KAZN: variants seen among roughly 807,000 people sequenced by gnomAD.
KAZN encodes kazrin.
A neutral mutation model predicts 87.4 loss-of-function variants in KAZN; 40 were observed. The ratio of observed to expected loss-of-function variants is 0.46; its 90% confidence interval spans 0.36 to 0.60. KAZN has a LOEUF of 0.60. Ranked by LOEUF, KAZN falls within the 20% of genes least tolerant of loss-of-function variation. KAZN has a pLI of 0.00. For synonymous variants in KAZN, 466 were observed against 458.3 expected, an observed-to-expected ratio of 1.02 and a Z score of -0.22; for missense variants, 898 against 1,073.9, an observed-to-expected ratio of 0.84 and a Z score of 2.29.
At chr1:14,430,154 C>T (rs991737566) in intron 2 of KAZN, among the ~76,000 whole-genome samples, 7 of 149,974 alleles carry the variant, frequency 4.7e-5, no homozygotes, top group African/African-American at 1.5e-4. Flanking sequence ...GGAATCTTTT[C>T]GTGACTTTCC....
chr1:14,526,131 C>T (rs1010218037), intron 2 of KAZN, among the ~76,000 whole-genome samples: 1 of 152,216 alleles, frequency 6.6e-6, no homozygotes, highest in Non-Finnish European at 1.5e-5. Context: ...GGGATGCCCC[C>T]ACATTTTTCC....
chr1:14,523,207 G>T (rs1400354962), intron 2 of KAZN, among the ~76,000 whole-genome samples: 1 of 152,230 alleles, frequency 6.6e-6, no homozygotes, highest in Non-Finnish European at 1.5e-5. Flanking sequence ...AGAGAGCAGG[G>T]TGCTGCCTCC....
chr1:14,781,761 T>A (rs891396310), intron 1 of KAZN, among the ~76,000 whole-genome samples: 3 of 151,668 alleles, frequency 2.0e-5, no homozygotes, highest in Non-Finnish European at 4.4e-5. Context: ...AGCCTAGGAG[T>A]TCAAGACCAG....
In KAZN at chr1:14,978,037, C is replaced by G. The variant is rs140000704; in HGVS notation, c.418+17162C>G. ...CCTCCCGAGTAGCTGGGATTACAGG[C>G]ATGTGCCACCAAGCCCTGCTATGGG... On this transcript the variant is annotated intron_variant, in intron 2 of 14. Coordinates refer to ENST00000376030, the MANE Select transcript of KAZN (RefSeq NM_201628.3). Among the ~76,000 whole-genome samples the G allele has an allele frequency of 2.2e-3, 335 of 152,224 alleles. 3 individuals carry two copies. The highest frequency in any genetic ancestry group is 3.8e-3 in the Non-Finnish European group (261 of 68,016).
At chr1:14,684,269 G>A (rs1640835693) in intron 1 of KAZN, among the ~76,000 whole-genome samples, 1 of 152,130 alleles carries the variant, frequency 6.6e-6, no homozygotes, top group South Asian at 2.1e-4. Flanking sequence ...TGGGGCTGTG[G>A]GCAGAGGATA....
At chr1:14,356,783 A>G (rs543388778) in intron 2 of KAZN, among the ~76,000 whole-genome samples, 1 of 152,072 alleles carries the variant, frequency 6.6e-6, no homozygotes, top group East Asian at 1.9e-4. Flanking sequence ...CCATTGGTCT[A>G]TATATCTGTT....
chr1:14,281,041 C>G (rs936277414), intron 2 of KAZN, among the ~76,000 whole-genome samples: 3 of 152,228 alleles, frequency 2.0e-5, no homozygotes, highest in African/African-American at 7.2e-5. Flanking sequence ...TAGCTTGGAA[C>G]ACTGAATGTT....
chr1:14,803,453 GA>G (rs763079394), intron 1 of KAZN, among the ~76,000 whole-genome samples: 4 of 152,326 alleles, frequency 2.6e-5, no homozygotes, highest in African/African-American at 4.8e-5. Flanking sequence ...GTGAGATGCT[GA>G]AGCTGCCATC....
In KAZN at chr1:14,949,295, A is replaced by G. The variant is rs1205157484; in HGVS notation, c.227-11389A>G. On this transcript the variant is annotated intron_variant, in intron 1 of 14. Transcript: ENST00000376030. The surrounding 1 kb of genome is among the most constrained non-coding windows in gnomAD (Gnocchi z 4.3). The stretch of plus-strand genomic sequence containing the variant: ...TAATAAATACTAACTTAAAAACAAA[A>G]AAAAGAAAAAGAAAATGTGCTCACT... 6.6e-6 allele frequency among the ~76,000 whole-genome samples: 1 copy of G among 152,104 alleles called. No homozygotes were observed. Among genetic ancestry groups the G allele is most frequent in the Admixed American group, 6.5e-5 (1 of 15,280 alleles).
intron 1 of KAZN, among the ~76,000 whole-genome samples, chr1:13,961,981 A>G (rs769450691): frequency 6.6e-6 from 1 of 152,050 alleles, no homozygotes; most frequent in Non-Finnish European, 1.5e-5. Context: ...CATTTCCTCT[A>G]TCCTTCTCAC....
intron 1 of KAZN, among the ~76,000 whole-genome samples, chr1:13,921,833 G>A (rs909009585): frequency 1.3e-5 from 2 of 151,994 alleles, no homozygotes; most frequent in Admixed American, 6.6e-5. Context: ...GGGTTTCACT[G>A]TGTTAGCCAG....
At chr1:14,067,077 A>T (rs1389456904) in intron 1 of KAZN, among the ~76,000 whole-genome samples, 1 of 151,954 alleles carries the variant, frequency 6.6e-6, no homozygotes. Flanking sequence ...CTGTATCACA[A>T]ATCCCTATCT....
At chr1:14,740,442 C>T (rs1168491897) in intron 1 of KAZN, among the ~76,000 whole-genome samples, 1 of 152,170 alleles carries the variant, frequency 6.6e-6, no homozygotes, top group Non-Finnish European at 1.5e-5. Flanking sequence ...CTCCTCTTCA[C>T]TATTATATGT....
At chr1:14,580,471 A>C (rs1259467284) in intron 2 of KAZN, among the ~76,000 whole-genome samples, 1 of 136,168 alleles carries the variant, frequency 7.3e-6, no homozygotes, top group Non-Finnish European at 1.6e-5. Context: ...GCGAAACTCT[A>C]TCTCAAATAA....
chr1:14,085,389 C>T (rs1391760801), intron 1 of KAZN, among the ~76,000 whole-genome samples: 1 of 152,164 alleles, frequency 6.6e-6, no homozygotes, highest in Non-Finnish European at 1.5e-5. Flanking sequence ...CATTCCGTTA[C>T]CCCAGGAGCT....
chr1:14,605,660 T>A (rs1462853348), intron 1 of KAZN, among the ~76,000 whole-genome samples: 2 of 152,070 alleles, frequency 1.3e-5, no homozygotes, highest in African/African-American at 2.4e-5. Context: ...AAGGCCTTCA[T>A]CCCCATCATC....
At chr1:14,977,772 G>A (rs781580370) in intron 2 of KAZN, among the ~76,000 whole-genome samples, 5 of 152,178 alleles carry the variant, frequency 3.3e-5, no homozygotes, top group Non-Finnish European at 7.4e-5. Context: ...GTCTGCCCAC[G>A]AAGCCAAGCA....
chr1:14,412,222 T>C (rs994428537), intron 2 of KAZN, among the ~76,000 whole-genome samples: 3 of 152,172 alleles, frequency 2.0e-5, no homozygotes, highest in Non-Finnish European at 2.9e-5. Flanking sequence ...TCAAGTATCA[T>C]AAAAATGTAA....
chr1:14,958,473 A>G (rs1026360187), intron 1 of KAZN, among the ~76,000 whole-genome samples: 17 of 151,904 alleles, frequency 1.1e-4, no homozygotes, highest in African/African-American at 4.1e-4. Context: ...TACATGGAGC[A>G]CTTCCTGTGT....
Sources: gnomAD v4.1 joint callset for allele counts (sites outside exome capture counted in the v4.1 genomes callset) on GRCh38, gnomAD v4.1.1 for gene constraint, Gnocchi (gnomAD v3.1) non-coding constraint, MANE v1.5 for transcripts, NCBI Gene and HGNC (gene_info 2026-07-23, HGNC 2026-07-21) for gene names.